Variants in COL24A1 observed in about 807,000 individuals in gnomAD.
COL24A1 encodes collagen type XXIV alpha 1 chain.
Under a neutral mutation model 253.9 loss-of-function variants are expected in COL24A1, and 224 were observed. The observed-to-expected ratio is 0.88, with a 90% CI of 0.79 to 0.99. The LOEUF (loss-of-function observed/expected upper bound fraction) is 0.99. Ranked by LOEUF, COL24A1 falls within the 50% of genes least tolerant of loss-of-function variation. The probability of loss-of-function intolerance (pLI) is 0.00; values close to 1 mark genes in which losing one functional copy is unlikely to be tolerated. For synonymous variants in COL24A1, 685 were observed against 673.7 expected, an observed-to-expected ratio of 1.02 and a Z score of -0.26; for missense variants, 2,131 against 2,068.5, an observed-to-expected ratio of 1.03 and a Z score of -0.59.
chr1:85,770,433 A>G (rs920348418), intron 53 of COL24A1, among the ~76,000 whole-genome samples: 1 of 151,502 alleles, frequency 6.6e-6, no homozygotes, highest in African/African-American at 2.4e-5. Context: ...ATTTTATTCC[A>G]TGTCTGTCCT....
In COL24A1 at chr1:86,092,280, A is replaced by G; in HGVS notation, c.1640T>C (p.Val547Ala). 6.2e-7 allele frequency: 1 copy of G among 1,603,250 alleles called. No individual in the cohort carries two copies. The highest frequency in any genetic ancestry group is 8.5e-7 in the Non-Finnish European group (1 of 1,172,050). The change falls in exon 6 of 60, where the codon GTT becomes GCT. Residue 547 changes from valine to alanine, a missense_variant. Physicochemically the swap from Val to Ala is moderately conservative, Grantham distance 64. Coordinates refer to ENST00000370571, the MANE Select transcript of COL24A1 (RefSeq NM_152890.7). ...GDPGFSPGQPVPGEKGDQGLS... is the reference protein window; with the variant it reads ...GDPGFSPGQPAPGEKGDQGLS... ...TCAAATAATTACCTTTTCTCCAGGA[A>G]CAGGTTGACCTGGGGAAAATCCTGG...
chr1:85,782,070 A>G (rs1172753850), intron 51 of COL24A1, among the ~76,000 whole-genome samples: 1 of 152,136 alleles, frequency 6.6e-6, no homozygotes, highest in Non-Finnish European at 1.5e-5. Flanking sequence ...TCCTCTTTGC[A>G]TTATTTTTTG....
At chr1:86,133,535 AT>A (rs1211650323) in intron 2 of COL24A1, among the ~76,000 whole-genome samples, 1 of 152,156 alleles carries the variant, frequency 6.6e-6, no homozygotes, top group African/African-American at 2.4e-5. Flanking sequence ...TCAATACCTA[AT>A]TTATTGAGAG....
At chr1:85,783,360 T>G in intron 51 of COL24A1, 136 bp downstream of exon 51, 1 of 647,896 alleles carries the variant, frequency 1.5e-6, no homozygotes, top group Non-Finnish European at 2.6e-6. Flanking sequence ...GAATTCTGCA[T>G]GTGCCCTTAT....
chr1:86,153,434 T>C (rs1047380935), intron 1 of COL24A1, among the ~76,000 whole-genome samples: 1 of 152,212 alleles, frequency 6.6e-6, no homozygotes, highest in South Asian at 2.1e-4. Flanking sequence ...GAATGATGAA[T>C]AAATGAATGA....
At chr1:86,147,545 T>C (rs1470230018) in intron 1 of COL24A1, among the ~76,000 whole-genome samples, 1 of 152,232 alleles carries the variant, frequency 6.6e-6, no homozygotes, top group African/African-American at 2.4e-5. Context: ...AACATTCTTA[T>C]ATATGGCATT....
At chr1:85,771,337 T>C (rs751953657) in intron 53 of COL24A1, among the ~76,000 whole-genome samples, 1 of 152,006 alleles carries the variant, frequency 6.6e-6, no homozygotes, top group Non-Finnish European at 1.5e-5. Flanking sequence ...CAATTATGAG[T>C]GAGAACATGT....
chr1:85,835,425 C>T (rs752600870), intron 43 of COL24A1, among the ~76,000 whole-genome samples: 13 of 152,010 alleles, frequency 8.6e-5, no homozygotes, highest in African/African-American at 1.9e-4. Context: ...CCACTGCACC[C>T]GGCCCAGAGA....
chr1:85,949,343 C>T (rs2100562924), intron 24 of COL24A1, among the ~76,000 whole-genome samples: 1 of 152,154 alleles, frequency 6.6e-6, no homozygotes, highest in East Asian at 1.9e-4. Context: ...CTAAAAATTA[C>T]AAAAGACTAC....
intron 13 of COL24A1, 152 bp from the exon 14 acceptor site, chr1:86,032,074 C>T (rs1698617870): frequency 1.8e-6 from 1 of 568,464 alleles, no homozygotes; most frequent in Non-Finnish European, 3.0e-6. Flanking sequence ...ATCTATGCAT[C>T]CTCCTGAGAA....
At chr1:86,152,246 T>G (rs1238273593) in intron 1 of COL24A1, among the ~76,000 whole-genome samples, 1 of 152,090 alleles carries the variant, frequency 6.6e-6, no homozygotes, top group Non-Finnish European at 1.5e-5. Context: ...ATACTACAGG[T>G]TGAGCACCCC....
intron 4 of COL24A1, 126 bp from the exon 5 acceptor site, chr1:86,112,746 T>A: frequency 1.3e-6 from 1 of 796,834 alleles, no homozygotes; most frequent in Non-Finnish European, 2.0e-6. Flanking sequence ...TGTTATTATG[T>A]ATGCCTTAAA....
At chr1:86,124,725 A>T in intron 3 of COL24A1, 120 bp downstream of exon 3, 1 of 689,322 alleles carries the variant, frequency 1.5e-6, no homozygotes, top group Admixed American at 3.8e-5. Flanking sequence ...ATGCATTTCC[A>T]TGACAGACTT....
At position 86,112,585 on chromosome 1, in the gene COL24A1, A is replaced by G. The variant is rs1199971936; in HGVS notation, c.1581T>C (p.Pro527=). The G allele has an allele frequency of 6.2e-7, 1 of 1,613,380 alleles. No homozygotes were observed. Among genetic ancestry groups the G allele is most frequent in the East Asian group, 2.2e-5 (1 of 44,850 alleles). ...IPGPHGNPGL[P]GLPGPKGPKG... ...CACTTACCTTTGGACCAGGTAATCC[A>G]GGTAAACCAGGATTTCCATGTGGCC... is the stretch of plus-strand genomic sequence containing the variant. The change falls in exon 5 of 60, where the codon CCT becomes CCC. Residue 527 remains proline, a synonymous_variant. Coordinates refer to ENST00000370571, the MANE Select transcript of COL24A1 (RefSeq NM_152890.7).
At chr1:85,824,480 G>A (rs963539889) in intron 43 of COL24A1, among the ~76,000 whole-genome samples, 2 of 152,152 alleles carry the variant, frequency 1.3e-5, no homozygotes, top group Non-Finnish European at 2.9e-5. Flanking sequence ...TTCCTCCTCC[G>A]AAAGTGTACT....
intron 5 of COL24A1, among the ~76,000 whole-genome samples, chr1:86,105,526 C>T (rs1704893696): frequency 6.6e-6 from 1 of 152,178 alleles, no homozygotes; most frequent in African/African-American, 2.4e-5. Context: ...TCAAGGAAAG[C>T]TCAGATCAGA....
At chr1:85,920,881 C>T (rs1316889023) in intron 24 of COL24A1, among the ~76,000 whole-genome samples, 1 of 150,490 alleles carries the variant, frequency 6.6e-6, no homozygotes, top group Non-Finnish European at 1.5e-5. Context: ...GATGATAAAC[C>T]AGGAACAAGA....
In COL24A1 at chr1:85,925,658, A is replaced by C. The variant is rs1687106770; in HGVS notation, c.2563-14225T>G. Among the ~76,000 whole-genome samples the C allele has an allele frequency of 2.0e-5, 3 of 152,328 alleles. No homozygotes were observed. In the South Asian group the frequency reaches 6.2e-4, roughly 32 times the overall value. On this transcript the variant is annotated intron_variant, in intron 24 of 59. Coordinates refer to ENST00000370571, the MANE Select transcript of COL24A1 (RefSeq NM_152890.7). ...AAACTGGATCCCTTCCTTACACCTT[A>C]TACAAAAATTAATTCAAGATGGATT...
intron 19 of COL24A1, among the ~76,000 whole-genome samples, chr1:85,997,142 G>A (rs1287414593): frequency 6.7e-6 from 1 of 149,864 alleles, no homozygotes; most frequent in Non-Finnish European, 1.5e-5. Context: ...ATCTTACCCT[G>A]AGAACTTGGC....
Sources: allele counts gnomAD v4.1 joint callset (sites outside exome capture counted in the v4.1 genomes callset), GRCh38; gene constraint gnomAD v4.1.1; transcripts MANE v1.5; gene names NCBI Gene and HGNC (gene_info 2026-07-23, HGNC 2026-07-21).